The following CLIP1 variants were observed in gnomAD, a reference collection of about 807,000 sequenced individuals.
CLIP1 encodes the protein CAP-Gly domain-containing linker protein 1.
Under a neutral mutation model 161.6 loss-of-function variants are expected in CLIP1, and 66 were observed. That is an observed-to-expected ratio of 0.41 (90% confidence interval 0.33 to 0.50). The LOEUF is 0.50. CLIP1 is among the 20% of genes least tolerant of loss of function. CLIP1 has a pLI of 0.27. For synonymous variants in CLIP1, 598 were observed against 626.2 expected, an observed-to-expected ratio of 0.96 and a Z score of 0.67; for missense variants, 1,376 against 1,702.0, an observed-to-expected ratio of 0.81 and a Z score of 3.37.
chr12:122,361,300 A>G (rs1011514367), intron 4 of CLIP1, 119 bp from the exon 5 acceptor site: 17 of 844,106 alleles, frequency 2.0e-5, no homozygotes, highest in African/African-American at 3.4e-5. Flanking sequence ...TTCTACAGCT[A>G]AGCTGGGGTT....
At chr12:122,402,341 A>G (rs1196239304) in intron 1 of CLIP1, among the ~76,000 whole-genome samples, 1 of 152,166 alleles carries the variant, frequency 6.6e-6, no homozygotes, top group Non-Finnish European at 1.5e-5. Context: ...TTTAAAAATT[A>G]GCTGGGTGTA....
chr12:122,398,045 T>C (rs1156299639), intron 1 of CLIP1, among the ~76,000 whole-genome samples: 1 of 152,154 alleles, frequency 6.6e-6, no homozygotes. Flanking sequence ...GCTTATTTTA[T>C]GTAATACAGT....
chr12:122,283,490 G>A (rs1487143103), intron 21 of CLIP1, among the ~76,000 whole-genome samples: 2 of 138,756 alleles, frequency 1.4e-5, no homozygotes, highest in East Asian at 2.1e-4. Flanking sequence ...ATGGAATCTC[G>A]CTCTGTTGCC....
intron 8 of CLIP1, among the ~76,000 whole-genome samples, chr12:122,352,483 A>G (rs1953087301): frequency 6.6e-6 from 1 of 152,120 alleles, no homozygotes; most frequent in Non-Finnish European, 1.5e-5. Flanking sequence ...ATGAGATCCA[A>G]TTCATGGTTT....
chr12:122,304,263 A>T (rs1274819089), intron 20 of CLIP1, among the ~76,000 whole-genome samples: 2 of 152,236 alleles, frequency 1.3e-5, no homozygotes, highest in Non-Finnish European at 2.9e-5. Context: ...ATTCAAGTAC[A>T]AATTCTCAGG....
At chr12:122,278,588 A>G in intron 23 of CLIP1, 3 of 555,702 alleles carry the variant, frequency 5.4e-6, no homozygotes, top group Admixed American at 7.1e-5. Context: ...TAGGTTTGTG[A>G]CAATATTGAC....
intron 5 of CLIP1, among the ~76,000 whole-genome samples, chr12:122,357,824 A>G (rs1341202132): frequency 1.4e-5 from 2 of 145,270 alleles, no homozygotes; most frequent in African/African-American, 5.2e-5. Flanking sequence ...GGGGGGGGTC[A>G]GCCCCCCGCC....
chr12:122,413,807 T>G (rs964627490), intron 1 of CLIP1, among the ~76,000 whole-genome samples: 10 of 151,794 alleles, frequency 6.6e-5, no homozygotes, highest in African/African-American at 2.4e-4. Context: ...AATTAAAAAG[T>G]AGACCCACCC....
At chr12:122,325,301 A>C (rs1308707445) in intron 17 of CLIP1, among the ~76,000 whole-genome samples, 1 of 151,860 alleles carries the variant, frequency 6.6e-6, no homozygotes, top group East Asian at 1.9e-4. Context: ...CAAGTGATCC[A>C]CCCACCTAGG....
intron 25 of CLIP1, 91 bp downstream of exon 25, chr12:122,273,947 G>C: frequency 9.3e-7 from 1 of 1,076,992 alleles, no homozygotes; most frequent in African/African-American, 1.6e-5. Context: ...GGCCAGGCTG[G>C]TCTCGAACTC....
Position 122,386,765 on chromosome 12 carries a change from C to T in CLIP1, c.-106-6207G>A, listed in dbSNP as rs540977541. On this transcript the variant is annotated intron_variant, in intron 1 of 25. Coordinates refer to ENST00000620786, the MANE Select transcript of CLIP1 (RefSeq NM_001247997.2). Reference sequence around the variant, plus strand: ...CTGTAATCCCAAGACTTTGAGAAGCCGAGGCAGGAGGATCGTTTAAGCCAA... The same window carrying T: ...CTGTAATCCCAAGACTTTGAGAAGCTGAGGCAGGAGGATCGTTTAAGCCAA... 4.7e-5 allele frequency among the ~76,000 whole-genome samples: 7 copies of T among 147,856 alleles called. No individual in the cohort carries two copies. In the South Asian group the frequency reaches 1.3e-3, roughly 27 times the overall value.
intron 1 of CLIP1, among the ~76,000 whole-genome samples, chr12:122,405,817 C>G (rs1436256346): frequency 6.6e-6 from 1 of 151,590 alleles, no homozygotes; most frequent in African/African-American, 2.4e-5. Flanking sequence ...GGCCGTAATC[C>G]CAGCACTTTG....
At position 122,336,684 on chromosome 12, in the gene CLIP1, A is replaced by G. The variant is rs765723192; in HGVS notation, c.2516T>C (p.Leu839Ser). Residue 839 changes from leucine to serine, a missense_variant, in exon 12 of 26, where the codon TTG becomes TCG. Transcript: ENST00000620786. Reference protein sequence around the residue: ...ELKLTNLQENLSEVSQVKETL... With the variant: ...ELKLTNLQENSSEVSQVKETL... ...CTCTTTCACTTGACTGACTTCACTC[A>G]AATTTTCCTGAAGGTTAGTAAGCTT... is the stretch of plus-strand genomic sequence containing the variant. 3.7e-6 allele frequency: 6 copies of G among 1,612,710 alleles called. No homozygotes were observed. The highest frequency in any genetic ancestry group is 1.1e-5 in the South Asian group (1 of 90,968).
intron 5 of CLIP1, among the ~76,000 whole-genome samples, chr12:122,358,286 G>C (rs1485562826): frequency 6.6e-6 from 1 of 151,632 alleles, no homozygotes; most frequent in Admixed American, 6.6e-5. Context: ...CAAGTACCCA[G>C]GGACACAAAC....
In CLIP1 at chr12:122,311,413, AATTATT is replaced by A. The variant is rs972044368; in HGVS notation, c.3474-1537_3474-1532del. Among the ~76,000 whole-genome samples the A allele has an allele frequency of 3.3e-5, 5 of 151,036 alleles. No individual in the cohort carries two copies. Among genetic ancestry groups the A allele is most frequent in the African/African-American group, 7.3e-5 (3 of 41,284 alleles). The stretch of plus-strand genomic sequence containing the variant: ...CTAAAGCATTGACCTATAAAAACAA[AATTATT>A]ATTATTATTATTTTTTTTTTTTTGA... On this transcript the variant is annotated intron_variant, in intron 19 of 25. Coordinates refer to ENST00000620786, the MANE Select transcript of CLIP1 (RefSeq NM_001247997.2). This position sits in a 1 kb window ranked among gnomAD's most constrained non-coding sequence, Gnocchi z 4.3.
chr12:122,385,322 G>A (rs968740556), intron 1 of CLIP1, among the ~76,000 whole-genome samples: 9 of 152,126 alleles, frequency 5.9e-5, no homozygotes, highest in African/African-American at 1.9e-4. Flanking sequence ...GCAAAGTAGC[G>A]CTGACAGTGA....
At position 122,276,382 on chromosome 12, in the gene CLIP1, C is replaced by CCCCACACACACACA. The variant is rs1555253513; in HGVS notation, c.3966+1771_3966+1772insTGTGTGTGTGTGGG. 3.5e-6 allele frequency: 3 copies of CCCCACACACACACA among 851,570 alleles called. No homozygotes were observed. The African/African-American group carries it at 5.4e-5, about 15-fold the overall frequency. The allele number at this position is 851,570 out of a possible 1,614,324, so 52.8% of individuals were successfully genotyped here. Reference sequence around the variant, plus strand: ...AAATGGACATAAGTATAGTGGGAAACCACACACACACACACACACACACGT... The same window carrying CCCCACACACACACA: ...AAATGGACATAAGTATAGTGGGAAACCCCACACACACACACACACACACACACACACACACACGT... On this transcript the variant is annotated intron_variant, in intron 24 of 25. Coordinates refer to ENST00000620786, the MANE Select transcript of CLIP1 (RefSeq NM_001247997.2).
Position 122,385,350 on chromosome 12 carries a change from G to A in CLIP1, c.-106-4792C>T, listed in dbSNP as rs139105806. Among the ~76,000 whole-genome samples the A allele has an allele frequency of 1.7e-3, 259 of 152,288 alleles. 1 individual carries two copies. Among genetic ancestry groups the A allele is most frequent in the African/African-American group, 6.0e-3 (249 of 41,560 alleles). On this transcript the variant is annotated intron_variant, in intron 1 of 25. Transcript: ENST00000620786. ...GACAGTGAAAAGGAGTGACGGCAAC[G>A]GATGAAGGGCTGCTGCAGCGACGAC...
chr12:122,404,149 TG>T (rs1354311829), intron 1 of CLIP1, among the ~76,000 whole-genome samples: 1 of 152,066 alleles, frequency 6.6e-6, no homozygotes, highest in Non-Finnish European at 1.5e-5. Context: ...ACAGGGAAAA[TG>T]TGTGTGACGC....
Sources: allele counts gnomAD v4.1 joint callset (sites outside exome capture counted in the v4.1 genomes callset), GRCh38; gene constraint gnomAD v4.1.1; non-coding constraint Gnocchi (gnomAD v3.1); transcripts MANE v1.5; gene names NCBI Gene and HGNC (gene_info 2026-07-23, HGNC 2026-07-21).